The following IL15 variants were observed in gnomAD, a reference collection of about 807,000 sequenced individuals.
The protein encoded by IL15 is interleukin-15.
In IL15, 11 loss-of-function variants were observed where a neutral mutation model predicts 19.6. The observed-to-expected ratio is 0.56, with a 90% CI of 0.35 to 0.93. The LOEUF (loss-of-function observed/expected upper bound fraction) is 0.93, where lower values mean the gene tolerates loss of function less well. IL15 is among the 40% of genes least tolerant of loss of function. The pLI, the probability that IL15 is intolerant of heterozygous loss-of-function variation, is 0.01. For missense variants in IL15, 197 were observed against 186.5 expected (o/e 1.06, Z -0.33); for synonymous variants, 58 against 59.6 (o/e 0.97, Z 0.12).
chr4:141,659,284 C>T (rs1465409846), intron 2 of IL15, among the ~76,000 whole-genome samples: 2 of 151,234 alleles, frequency 1.3e-5, no homozygotes, highest in Non-Finnish European at 2.9e-5. Flanking sequence ...CTCACTGCAA[C>T]CTTTGCCCCT....
In IL15 at chr4:141,733,117, A is replaced by T. The variant is rs56245420; in HGVS notation, c.*269A>T. On this transcript the variant is annotated 3_prime_UTR_variant, in exon 8 of 8. Transcript: ENST00000320650. ...TGTACATATTTGTGGAATAATGTAA[A>T]ATGTTGAATAAAAATATGTACAAGT... 6,220 of 292,796 alleles carry T rather than the reference A, an allele frequency of 0.021. 733 individuals are homozygous for T. The East Asian group carries it at 0.34, about 16-fold the overall frequency. The allele number at this position is 292,796 out of a possible 1,614,324, so 18.1% of individuals were successfully genotyped here.
intron 1 of IL15, among the ~76,000 whole-genome samples, chr4:141,639,326 T>G (rs1290858865): frequency 6.6e-6 from 1 of 152,210 alleles, no homozygotes; most frequent in Non-Finnish European, 1.5e-5. Context: ...GAATGCCGGT[T>G]TTAAAGTAAT....
intron 5 of IL15, among the ~76,000 whole-genome samples, chr4:141,723,888 A>G (rs183748208): frequency 2.6e-5 from 4 of 152,304 alleles, no homozygotes; most frequent in Admixed American, 2.6e-4. Context: ...CAAATCCACA[A>G]TTATTCTTGA....
chr4:141,712,926 C>T (rs2152186729), intron 2 of IL15, among the ~76,000 whole-genome samples: 1 of 151,766 alleles, frequency 6.6e-6, no homozygotes, highest in African/African-American at 2.4e-5. Context: ...GAAGTAGTTA[C>T]CTAATCATTT....
intron 1 of IL15, among the ~76,000 whole-genome samples, chr4:141,650,923 C>T (rs1479051926): frequency 6.6e-6 from 1 of 152,042 alleles, no homozygotes; most frequent in Non-Finnish European, 1.5e-5. Context: ...AGTCTCTAGA[C>T]CCCAGTCCAT....
At chr4:141,684,823 C>G (rs1204545837) in intron 2 of IL15, among the ~76,000 whole-genome samples, 1 of 152,138 alleles carries the variant, frequency 6.6e-6, no homozygotes, top group Non-Finnish European at 1.5e-5. Flanking sequence ...TTCTATGTTA[C>G]AGATGCTGTC....
chr4:141,674,279 G>A (rs1728268976), intron 2 of IL15, among the ~76,000 whole-genome samples: 1 of 152,086 alleles, frequency 6.6e-6, no homozygotes, highest in Admixed American at 6.5e-5. Flanking sequence ...TGTGCTTTGT[G>A]GAGTCATTTG....
At chr4:141,655,688 C>A (rs965406294) in intron 1 of IL15, among the ~76,000 whole-genome samples, 13 of 152,082 alleles carry the variant, frequency 8.5e-5, no homozygotes, top group African/African-American at 3.1e-4. Flanking sequence ...TCACATATAC[C>A]TTAAAATATT....
intron 1 of IL15, among the ~76,000 whole-genome samples, chr4:141,653,223 G>T (rs994873206): frequency 6.6e-6 from 1 of 152,176 alleles, no homozygotes; most frequent in Non-Finnish European, 1.5e-5. Context: ...TTCAGAAACT[G>T]TGCCATGCTT....
chr4:141,727,803 T>A, intron 5 of IL15, 137 bp from the exon 6 acceptor site: 3 of 607,182 alleles, frequency 4.9e-6, no homozygotes, highest in Non-Finnish European at 5.8e-6. Context: ...TATTTACTCT[T>A]ACAGTTTCAT....
At chr4:141,680,808 T>A (rs1728507156) in intron 2 of IL15, among the ~76,000 whole-genome samples, 1 of 152,216 alleles carries the variant, frequency 6.6e-6, no homozygotes, top group Admixed American at 6.5e-5. Context: ...ATTTGCAACA[T>A]CAAGGTCAAA....
At chr4:141,716,307 A>G (rs1358330810) in intron 2 of IL15, 1 of 152,228 alleles carries the variant, frequency 6.6e-6, no homozygotes, top group Admixed American at 6.5e-5. Flanking sequence ...GCCAGGCCCC[A>G]CCTGGTTGCT....
intron 2 of IL15, among the ~76,000 whole-genome samples, chr4:141,714,080 C>T (rs1458460666): frequency 6.6e-6 from 1 of 152,032 alleles, no homozygotes; most frequent in Non-Finnish European, 1.5e-5. Flanking sequence ...CCTCTTCCCT[C>T]TCCTCCTCCT....
intron 7 of IL15, among the ~76,000 whole-genome samples, chr4:141,730,978 C>G (rs1410391891): frequency 4.6e-5 from 7 of 152,092 alleles, no homozygotes; most frequent in Admixed American, 4.6e-4. Context: ...AAAAAGGACA[C>G]AGGGTAGGGG....
intron 2 of IL15, among the ~76,000 whole-genome samples, chr4:141,702,222 C>G (rs1214381708): frequency 6.6e-6 from 1 of 152,182 alleles, no homozygotes; most frequent in East Asian, 1.9e-4. Flanking sequence ...CTGCTGTTCA[C>G]ACTCTTTTGT....
rs1176659590 is a variant in IL15 at position 141,707,311 on chromosome 4, ATTGT to A, written c.-99-12050_-99-12047del. Among the ~76,000 whole-genome samples the A allele has an allele frequency of 1.6e-4, 25 of 151,922 alleles. 1 individual carries two copies. The highest frequency in any genetic ancestry group is 5.1e-4 in the African/African-American group (21 of 41,404). On this transcript the variant is annotated intron_variant, in intron 2 of 7. Transcript: ENST00000320650. ...TATGCATTTCTCATTCCAATTATTG[ATTGT>A]TTGTCTGTGTTCTATTGTATCTCAC...
intron 2 of IL15, chr4:141,715,536 A>G (rs1490013679): frequency 6.6e-6 from 1 of 152,150 alleles, no homozygotes; most frequent in African/African-American, 2.4e-5. Context: ...TGCATTTTCT[A>G]TATGGTTCAT....
At chr4:141,722,217 C>T (rs971949956) in intron 5 of IL15, among the ~76,000 whole-genome samples, 19 of 152,072 alleles carry the variant, frequency 1.2e-4, no homozygotes, top group South Asian at 2.1e-4. Context: ...GCGGCCCAGA[C>T]GGATGAGTTC....
intron 4 of IL15, 50 bp from the exon 5 acceptor site, chr4:141,721,874 A>G: frequency 7.0e-7 from 1 of 1,433,526 alleles, no homozygotes; most frequent in Middle Eastern, 1.8e-4. Context: ...AGTATTCATC[A>G]AGATGAATAG....
Sources: allele counts gnomAD v4.1 joint callset (sites outside exome capture counted in the v4.1 genomes callset), GRCh38; gene constraint gnomAD v4.1.1; transcripts MANE v1.5; gene names NCBI Gene and HGNC (gene_info 2026-07-23, HGNC 2026-07-21).